Variants in PCDHA11 observed in about 807,000 individuals in gnomAD.
The protein encoded by PCDHA11 is protocadherin alpha-11.
Under a neutral mutation model 70.3 loss-of-function variants are expected in PCDHA11, and 61 were observed. That is an observed-to-expected ratio of 0.87 (90% CI 0.71 to 1.07). The LOEUF is 1.07. Ranked by LOEUF, PCDHA11 falls within the 50% of genes least tolerant of loss-of-function variation. The pLI, the probability that PCDHA11 is intolerant of heterozygous loss-of-function variation, is 0.00. For synonymous variants in PCDHA11, 633 were observed against 555.1 expected (o/e 1.14, Z -1.97); for missense variants, 1,324 against 1,237.5 (o/e 1.07, Z -1.05).
At chr5:140,950,083 T>C (rs1361884165) in intron 1 of PCDHA11, among the ~76,000 whole-genome samples, 1 of 152,002 alleles carries the variant, frequency 6.6e-6, no homozygotes, top group Non-Finnish European at 1.5e-5. Context: ...GCTTATGCTA[T>C]AGTTTTCATT....
At chr5:140,878,806 G>A (rs1413152690) in intron 1 of PCDHA11, among the ~76,000 whole-genome samples, 1 of 152,144 alleles carries the variant, frequency 6.6e-6, no homozygotes, top group African/African-American at 2.4e-5. Context: ...AAAAACATAT[G>A]GGGGTCTTGC....
intron 1 of PCDHA11, among the ~76,000 whole-genome samples, chr5:140,874,530 G>A (rs1332198120): frequency 1.3e-5 from 2 of 152,200 alleles, no homozygotes; most frequent in Admixed American, 1.3e-4. Flanking sequence ...ATGAGATTAG[G>A]CTCCAAAACC....
Position 140,938,107 on chromosome 5 carries a change from T to C in PCDHA11, c.2392-40842T>C, listed in dbSNP as rs73266057. On this transcript the variant is annotated intron_variant, in intron 1 of 3. Coordinates refer to ENST00000398640, the MANE Select transcript of PCDHA11 (RefSeq NM_018902.5). ...TAGTTTTATTATTGTATTTTTTACT[T>C]TCTCTCTTTTTTTAAAAAAATAGAG... is the stretch of plus-strand genomic sequence containing the variant. 3.3e-3 allele frequency among the ~76,000 whole-genome samples: 502 copies of C among 152,318 alleles called. 3 individuals carry two copies. Among genetic ancestry groups the C allele is most frequent in the African/African-American group, 0.012 (483 of 41,576 alleles).
At chr5:140,906,961 T>C (rs143429690) in intron 1 of PCDHA11, among the ~76,000 whole-genome samples, 1 of 152,268 alleles carries the variant, frequency 6.6e-6, no homozygotes, top group African/African-American at 2.4e-5. Flanking sequence ...TTTAATGGAA[T>C]CGTGGTTGTG....
intron 3 of PCDHA11, among the ~76,000 whole-genome samples, chr5:141,004,378 G>C (rs914260481): frequency 6.6e-6 from 1 of 152,316 alleles, no homozygotes; most frequent in South Asian, 2.1e-4. Context: ...TCTGCTCTGC[G>C]GAAGCTGGAC....
At chr5:140,931,875 T>C (rs1457456146) in intron 1 of PCDHA11, among the ~76,000 whole-genome samples, 3 of 151,982 alleles carry the variant, frequency 2.0e-5, no homozygotes, top group African/African-American at 7.2e-5. Flanking sequence ...AAAATATTTA[T>C]TGCTTTCATT....
At chr5:140,919,925 G>A (rs2079351459) in intron 1 of PCDHA11, among the ~76,000 whole-genome samples, 1 of 152,124 alleles carries the variant, frequency 6.6e-6, no homozygotes, top group African/African-American at 2.4e-5. Flanking sequence ...AAATTTTCAG[G>A]TGGGGGCTAA....
chr5:140,911,165 G>A (rs931843921), intron 1 of PCDHA11, among the ~76,000 whole-genome samples: 3 of 152,178 alleles, frequency 2.0e-5, no homozygotes, highest in Non-Finnish European at 4.4e-5. Context: ...AATGTGGAAA[G>A]GCTGATGGCA....
At chr5:140,959,614 G>T (rs1175211325) in intron 1 of PCDHA11, among the ~76,000 whole-genome samples, 1 of 152,024 alleles carries the variant, frequency 6.6e-6, no homozygotes, top group African/African-American at 2.4e-5. Context: ...TTTCTTGCTT[G>T]TGATAGAAAA....
chr5:140,982,264 TG>T, intron 2 of PCDHA11: 1 of 865,882 alleles, frequency 1.2e-6, no homozygotes, highest in Non-Finnish European at 1.7e-6. Flanking sequence ...TGTGTGTTCC[TG>T]GAATAGTATA....
chr5:140,927,422 T>G, intron 1 of PCDHA11: 1 of 1,614,028 alleles, frequency 6.2e-7, no homozygotes. Context: ...GGATCGCGGG[T>G]TGACGGCAGC....
chr5:140,928,149 T>G (rs782254175), intron 1 of PCDHA11: 3 of 1,614,194 alleles, frequency 1.9e-6, no homozygotes, highest in Non-Finnish European at 2.5e-6. Context: ...CGGCCTCAGA[T>G]AGTGGCTCAC....
chr5:140,996,172 C>G (rs1694773459), intron 3 of PCDHA11, among the ~76,000 whole-genome samples: 1 of 152,210 alleles, frequency 6.6e-6, no homozygotes, highest in African/African-American at 2.4e-5. Flanking sequence ...AATGTGCTGA[C>G]AGCACCTCCA....
At position 140,869,175 on chromosome 5, in the gene PCDHA11, G is replaced by A; in HGVS notation, c.72G>A (p.Trp24Ter). The A allele has an allele frequency of 6.2e-7, 1 of 1,613,976 alleles. No homozygotes were observed. Among genetic ancestry groups the A allele is most frequent in the East Asian group, 2.2e-5 (1 of 44,888 alleles). Residue 24 changes from tryptophan (W) to a stop codon, truncating the protein, a stop_gained, in exon 1 of 4, where the codon TGG becomes TGA. Coordinates refer to ENST00000398640, the MANE Select transcript of PCDHA11 (RefSeq NM_018902.5). LOFTEE classifies it high-confidence loss of function. ...TCTGGCTTCTCCTCCTCGAATTCTGGGAGGTGGGGAGCGGCCAGCTCCACT... is the reference window on the plus strand; with the variant it reads ...TCTGGCTTCTCCTCCTCGAATTCTGAGAGGTGGGGAGCGGCCAGCTCCACT... Reference protein sequence around the residue: ...LQLWLLLLEFWEVGSGQLHYS... With the variant: ...LQLWLLLLEF
chr5:140,877,467 G>A (rs1554169776), intron 1 of PCDHA11: 1 of 1,613,750 alleles, frequency 6.2e-7, no homozygotes, highest in African/African-American at 1.3e-5. Flanking sequence ...CGGCCACGGT[G>A]CTGGTGTCGC....
Position 141,004,229 on chromosome 5 carries a change from T to G in PCDHA11, c.2540-5398T>G, listed in dbSNP as rs368330742. On this transcript the variant is annotated intron_variant, in intron 3 of 3. Transcript: ENST00000398640. ...AGATTAGGAGGTCAGTCAGTGTTTG[T>G]CAGATCCTTAAGCTTTTGTTTTACT... Among the ~76,000 whole-genome samples, 5 of 152,250 alleles carry G rather than the reference T, an allele frequency of 3.3e-5. No individual in the cohort carries two copies. The East Asian group carries it at 7.7e-4, about 23-fold the overall frequency.
intron 3 of PCDHA11, among the ~76,000 whole-genome samples, chr5:140,986,473 CA>C (rs1217616254): frequency 6.6e-6 from 1 of 152,192 alleles, no homozygotes; most frequent in Non-Finnish European, 1.5e-5. Context: ...CTCTTGTGAT[CA>C]GTTCCTAGGG....
At chr5:140,979,211 A>G (rs1241898337) in intron 2 of PCDHA11, among the ~76,000 whole-genome samples, 18 of 152,222 alleles carry the variant, frequency 1.2e-4, no homozygotes, top group Admixed American at 7.9e-4. Context: ...GTGCTGGCAT[A>G]TAAGAGTCCT....
At chr5:140,914,038 T>C (rs949307049) in intron 1 of PCDHA11, among the ~76,000 whole-genome samples, 14 of 152,206 alleles carry the variant, frequency 9.2e-5, no homozygotes, top group Non-Finnish European at 1.3e-4. Context: ...GAGAAGAATG[T>C]GTATTCTGCA....
Sources: allele counts gnomAD v4.1 joint callset (sites outside exome capture counted in the v4.1 genomes callset), GRCh38; gene constraint gnomAD v4.1.1; transcripts MANE v1.5; gene names NCBI Gene and HGNC (gene_info 2026-07-23, HGNC 2026-07-21).